The following WDTC1 variants were observed in gnomAD, a reference collection of about 807,000 sequenced individuals.
The protein encoded by WDTC1 is WD and tetratricopeptide repeats 1.
Under a neutral mutation model 76.0 loss-of-function variants are expected in WDTC1, and 12 were observed. That is an observed-to-expected ratio of 0.16 (90% CI 0.10 to 0.26). The LOEUF is 0.26. WDTC1 is among the 10% of genes least tolerant of loss of function. The pLI, the probability that WDTC1 is intolerant of heterozygous loss-of-function variation, is 1.00. For missense variants in WDTC1, 511 were observed against 908.8 expected, an observed-to-expected ratio of 0.56 and a Z score of 5.63; for synonymous variants, 326 against 350.8, an observed-to-expected ratio of 0.93 and a Z score of 0.79.
At chr1:27,235,047 C>T (rs2011465370) in intron 1 of WDTC1, 96 bp downstream of exon 1, 1 of 349,260 alleles carries the variant, frequency 2.9e-6, no homozygotes, top group South Asian at 1.5e-4. Flanking sequence ...TGGGCCGGCT[C>T]CAGCCCTGCC....
chr1:27,271,062 T>C (rs2147945667), intron 3 of WDTC1, among the ~76,000 whole-genome samples: 1 of 152,332 alleles, frequency 6.6e-6, no homozygotes, highest in African/African-American at 2.4e-5. Flanking sequence ...AGAATTGATA[T>C]ATGCACCTGC....
intron 3 of WDTC1, among the ~76,000 whole-genome samples, chr1:27,275,528 G>A (rs1309292573): frequency 1.3e-5 from 2 of 151,478 alleles, no homozygotes; most frequent in Non-Finnish European, 2.9e-5. Flanking sequence ...TGAGGCAGGA[G>A]AATTGCTTGA....
chr1:27,286,868 A>G (rs1208436091), intron 5 of WDTC1, among the ~76,000 whole-genome samples: 1 of 152,076 alleles, frequency 6.6e-6, no homozygotes, highest in African/African-American at 2.4e-5. Flanking sequence ...ACTAATTTAA[A>G]ACACTCACTC....
At chr1:27,235,203 G>A (rs915741741) in intron 1 of WDTC1, among the ~76,000 whole-genome samples, 6 of 152,114 alleles carry the variant, frequency 3.9e-5, no homozygotes, top group South Asian at 2.1e-4. Flanking sequence ...GTGGGAGTCC[G>A]GGGAGGCTCT....
chr1:27,234,705 G>C lies in WDTC1; in HGVS notation c.-346G>C. 2.5e-6 allele frequency: 1 copy of C among 398,160 alleles called. No homozygotes were observed. The highest frequency in any genetic ancestry group is 1.3e-4 in the South Asian group (1 of 7,838). 24.7% of individuals were successfully genotyped at this position (398,160 alleles called of 1,614,324 possible). On this transcript the variant is annotated 5_prime_UTR_variant, in exon 1 of 16. Transcript: ENST00000319394. ...AGGAGGGAGGGGAGTGCGTGTGTGA[G>C]AGCGCGCGAGGGAGTGTGAGTGTGT...
chr1:27,235,240 A>G (rs1008756342), intron 1 of WDTC1, among the ~76,000 whole-genome samples: 3 of 152,158 alleles, frequency 2.0e-5, no homozygotes, highest in Non-Finnish European at 2.9e-5. Flanking sequence ...AAGTCATTCC[A>G]TCATGGGACT....
intron 1 of WDTC1, among the ~76,000 whole-genome samples, chr1:27,253,626 C>T (rs1295768502): frequency 2.0e-5 from 3 of 151,528 alleles, no homozygotes; most frequent in South Asian, 2.1e-4. Context: ...GGATTATAGG[C>T]GTGAGCCGCC....
chr1:27,304,988 G>T lies in WDTC1; in HGVS notation c.1644-13G>T, dbSNP rs1557512001. The T allele has an allele frequency of 6.2e-7, 1 of 1,606,242 alleles. No homozygotes were observed. The highest frequency in any genetic ancestry group is 1.3e-5 in the African/African-American group (1 of 74,816). On this transcript the variant is annotated splice_polypyrimidine_tract_variant and intron_variant, in intron 14 of 15. Transcript: ENST00000319394. The stretch of plus-strand genomic sequence containing the variant: ...ACCCCACCTGACCTCCCTGCCCTTT[G>T]CCCCCCCGCCAGCAACGCTCAGTAT...
chr1:27,294,918 CCTGCT>C (rs1167893074), intron 9 of WDTC1, among the ~76,000 whole-genome samples: 5 of 152,170 alleles, frequency 3.3e-5, no homozygotes, highest in Non-Finnish European at 7.3e-5. Context: ...CAAATGCTGG[CCTGCT>C]GTTCAGCAGC....
intron 1 of WDTC1, among the ~76,000 whole-genome samples, chr1:27,244,758 T>G (rs1043763008): frequency 6.6e-6 from 1 of 152,058 alleles, no homozygotes; most frequent in African/African-American, 2.4e-5. Context: ...ATAAATAGAG[T>G]GAAAGGAAAC....
At chr1:27,300,702 A>C (rs956802884) in intron 12 of WDTC1, among the ~76,000 whole-genome samples, 23 of 151,684 alleles carry the variant, frequency 1.5e-4, no homozygotes. Flanking sequence ...CAGCCAGGAC[A>C]GGGGGGGGTC....
At chr1:27,258,306 G>A (rs1196975229) in intron 1 of WDTC1, among the ~76,000 whole-genome samples, 1 of 151,600 alleles carries the variant, frequency 6.6e-6, no homozygotes, top group Non-Finnish European at 1.5e-5. Flanking sequence ...ACTGAGGCGG[G>A]CGGATCACCT....
At chr1:27,304,480 C>G (rs1206711414) in intron 14 of WDTC1, 4 of 153,918 alleles carry the variant, frequency 2.6e-5, no homozygotes, top group African/African-American at 9.7e-5. Context: ...TGGTGACGTG[C>G]ACCTGTAGTC....
At chr1:27,282,606 G>A (rs779109072) in intron 4 of WDTC1, among the ~76,000 whole-genome samples, 13 of 151,910 alleles carry the variant, frequency 8.6e-5, no homozygotes, top group Non-Finnish European at 1.9e-4. Flanking sequence ...AGGTTCAAGC[G>A]GTTCTCCTTA....
intron 5 of WDTC1, among the ~76,000 whole-genome samples, chr1:27,284,953 G>A (rs1012321518): frequency 8.6e-5 from 13 of 151,110 alleles, no homozygotes; most frequent in African/African-American, 2.7e-4. Context: ...AGTGTATGCC[G>A]TCTCTAGACA....
intron 3 of WDTC1, among the ~76,000 whole-genome samples, chr1:27,269,749 C>G (rs2012806718): frequency 6.6e-6 from 1 of 150,782 alleles, no homozygotes; most frequent in South Asian, 2.1e-4. Context: ...GTAGCTGGGA[C>G]TACAGGTGTG....
rs1052397724 is a variant in WDTC1, at chr1:27,290,266, T to G, written c.480-1949T>G. ...TTGGCTAATTTTTCTATTTTTTTTG[T>G]AGAGATGGGGTTTCTCTGTGTTGCC... On this transcript the variant is annotated intron_variant, in intron 6 of 15. Transcript: ENST00000319394. Among the ~76,000 whole-genome samples, 15 of 152,246 alleles carry G rather than the reference T, an allele frequency of 9.9e-5. 1 individual carries two copies. Among genetic ancestry groups the G allele is most frequent in the Middle Eastern group, 6.8e-3 (2 of 294 alleles).
intron 1 of WDTC1, among the ~76,000 whole-genome samples, chr1:27,244,170 A>C (rs1359510683): frequency 2.6e-5 from 4 of 152,014 alleles, no homozygotes; most frequent in Admixed American, 6.6e-5. Flanking sequence ...TTTTTTTAAA[A>C]AAATTAAAAA....
chr1:27,269,277 A>G (rs1007620174), intron 3 of WDTC1, among the ~76,000 whole-genome samples: 4 of 150,452 alleles, frequency 2.7e-5, no homozygotes, highest in African/African-American at 7.3e-5. Context: ...AGGAGGTTGA[A>G]GCTGCAGTGA....
Sources: allele counts gnomAD v4.1 joint callset (sites outside exome capture counted in the v4.1 genomes callset), GRCh38; gene constraint gnomAD v4.1.1; transcripts MANE v1.5; gene names NCBI Gene and HGNC (gene_info 2026-07-23, HGNC 2026-07-21).